SUMF1: variants seen among roughly 807,000 people sequenced by gnomAD.
The protein encoded by SUMF1 is formylglycine-generating enzyme.
A neutral mutation model predicts 47.6 loss-of-function variants in SUMF1; 48 were observed. The observed-to-expected ratio is 1.01, with a 90% confidence interval of 0.80 to 1.28. The LOEUF is 1.28. Among genes scored for constraint, SUMF1 ranks in the 50% most tolerant of loss-of-function variants. The pLI, the probability that SUMF1 is intolerant of heterozygous loss-of-function variation, is 0.00. For synonymous variants in SUMF1, 230 were observed against 192.1 expected (o/e 1.20, Z -1.63); for missense variants, 571 against 485.4 (o/e 1.18, Z -1.66).
chr3:4,136,882 C>A (rs1388271869), intron 8 of SUMF1, among the ~76,000 whole-genome samples: 21 of 152,116 alleles, frequency 1.4e-4, no homozygotes, highest in Non-Finnish European at 4.4e-5. Flanking sequence ...TGCTCATCAT[C>A]ACTGGCCATC....
intron 9 of SUMF1, among the ~76,000 whole-genome samples, chr3:4,059,309 T>C (rs1020518508): frequency 1.3e-5 from 2 of 152,136 alleles, no homozygotes; most frequent in African/African-American, 4.8e-5. Flanking sequence ...GAAAGCAGTG[T>C]ATTTTATCTG....
chr3:4,440,516 T>C (rs1028265806), intron 3 of SUMF1, among the ~76,000 whole-genome samples: 4 of 152,188 alleles, frequency 2.6e-5, no homozygotes, highest in Admixed American at 2.6e-4. Flanking sequence ...TCTTTCTAGT[T>C]TAGAGTTGTC....
intron 8 of SUMF1, among the ~76,000 whole-genome samples, chr3:4,157,826 C>A: frequency 6.6e-6 from 1 of 151,604 alleles, no homozygotes; most frequent in African/African-American, 2.4e-5. Context: ...GTGACTACTT[C>A]TACCCTGTCA....
chr3:4,065,226 CTT>C (rs61682028), intron 9 of SUMF1, among the ~76,000 whole-genome samples: 3 of 151,282 alleles, frequency 2.0e-5, no homozygotes, highest in Admixed American at 6.6e-5. Flanking sequence ...TGCTTTTTTG[CTT>C]TTTTTTTCTG....
At chr3:4,411,828 C>G (rs1309752181) in intron 6 of SUMF1, among the ~76,000 whole-genome samples, 1 of 151,534 alleles carries the variant, frequency 6.6e-6, no homozygotes, top group Non-Finnish European at 1.5e-5. Flanking sequence ...AGAAAAATTT[C>G]ATTTTTAAAA....
At chr3:4,400,001 G>A (rs1259597239) in intron 7 of SUMF1, among the ~76,000 whole-genome samples, 2 of 152,096 alleles carry the variant, frequency 1.3e-5, no homozygotes, top group Non-Finnish European at 2.9e-5. Context: ...ACCTTCCCAA[G>A]ATGCTGGGAT....
intron 8 of SUMF1, among the ~76,000 whole-genome samples, chr3:4,330,987 A>T (rs892794948): frequency 1.3e-5 from 2 of 152,200 alleles, no homozygotes; most frequent in Admixed American, 6.5e-5. Flanking sequence ...TCTAATATCA[A>T]TGTGCTTTTG....
intron 8 of SUMF1, among the ~76,000 whole-genome samples, chr3:4,137,914 TACAC>T (rs61300596): frequency 2.1e-4 from 30 of 142,054 alleles, no homozygotes; most frequent in South Asian, 1.5e-3. Flanking sequence ...ACACTAATAA[TACAC>T]ACACACACAC....
At chr3:4,083,960 T>C (rs1165539470) in intron 8 of SUMF1, among the ~76,000 whole-genome samples, 1 of 152,112 alleles carries the variant, frequency 6.6e-6, no homozygotes, top group Non-Finnish European at 1.5e-5. Context: ...CTGTACTTTA[T>C]GATGTCTTTC....
chr3:4,163,671 G>C (rs961325219), intron 8 of SUMF1, among the ~76,000 whole-genome samples: 29 of 151,574 alleles, frequency 1.9e-4, no homozygotes, highest in African/African-American at 6.8e-4. Context: ...CCATGCTCAA[G>C]GTCTAGAGTG....
chr3:4,215,210 G>C (rs1053791827), intron 8 of SUMF1, among the ~76,000 whole-genome samples: 4 of 152,158 alleles, frequency 2.6e-5, no homozygotes, highest in Non-Finnish European at 5.9e-5. Flanking sequence ...GATCAAGTCG[G>C]CTTCATCTCT....
chr3:4,123,970 T>C (rs1693600526), intron 8 of SUMF1, among the ~76,000 whole-genome samples: 1 of 152,140 alleles, frequency 6.6e-6, no homozygotes, highest in East Asian at 1.9e-4. Context: ...GTCTTTGCAT[T>C]CATGTTGGCA....
chr3:4,446,870 G>C (rs1162445006), intron 3 of SUMF1, among the ~76,000 whole-genome samples: 1 of 152,204 alleles, frequency 6.6e-6, no homozygotes, highest in African/African-American at 2.4e-5. Flanking sequence ...CAATGAAAGG[G>C]AAACCTGTAG....
chr3:4,063,028 GA>G (rs762845190), intron 9 of SUMF1, among the ~76,000 whole-genome samples: 13 of 152,232 alleles, frequency 8.5e-5, no homozygotes, highest in Non-Finnish European at 1.8e-4. Context: ...CCCAGGAAAA[GA>G]AAAATCTGCA....
intron 8 of SUMF1, among the ~76,000 whole-genome samples, chr3:4,133,604 T>C (rs762865968): frequency 1.3e-5 from 2 of 151,970 alleles, no homozygotes; most frequent in African/African-American, 2.4e-5. Flanking sequence ...TATATACAGG[T>C]AGAAAAATGT....
intron 8 of SUMF1, chr3:4,313,823 G>C: frequency 6.2e-7 from 1 of 1,601,968 alleles, no homozygotes; most frequent in Non-Finnish European, 8.5e-7. Flanking sequence ...TGGTTGGCTA[G>C]CTTTACCTCT....
intron 8 of SUMF1, among the ~76,000 whole-genome samples, chr3:4,130,539 A>G (rs1452719551): frequency 6.6e-6 from 1 of 152,176 alleles, no homozygotes; most frequent in Non-Finnish European, 1.5e-5. Flanking sequence ...AGAAGTAGCA[A>G]ACACACTGAA....
At chr3:4,176,319 A>G (rs1273928432) in intron 8 of SUMF1, among the ~76,000 whole-genome samples, 1 of 152,224 alleles carries the variant, frequency 6.6e-6, no homozygotes, top group Non-Finnish European at 1.5e-5. Context: ...AGGGAAGCCC[A>G]TCAGACTAAC....
chr3:4,321,606 G>T (rs1043788475), intron 8 of SUMF1, among the ~76,000 whole-genome samples: 1 of 151,394 alleles, frequency 6.6e-6, no homozygotes, highest in Non-Finnish European at 1.5e-5. Flanking sequence ...AAATAAAGTA[G>T]TACTGGATTA....
Sources: allele counts gnomAD v4.1 joint callset (sites outside exome capture counted in the v4.1 genomes callset), GRCh38; gene constraint gnomAD v4.1.1; transcripts MANE v1.5; gene names NCBI Gene and HGNC (gene_info 2026-07-23, HGNC 2026-07-21).